TRIO: variants seen among roughly 807,000 people sequenced by gnomAD.
TRIO encodes trio Rho guanine nucleotide exchange factor, also known as triple functional domain protein.
A neutral mutation model predicts 351.9 loss-of-function variants in TRIO; 58 were observed. The ratio of observed to expected loss-of-function variants is 0.16; its 90% CI spans 0.13 to 0.21. The LOEUF (loss-of-function observed/expected upper bound fraction) is 0.21. TRIO is among the 10% of genes least tolerant of loss of function. TRIO has a pLI of 1.00. For synonymous variants in TRIO, 1,758 were observed against 1,595.7 expected, an observed-to-expected ratio of 1.10 and a Z score of -2.42; for missense variants, 3,201 against 4,027.8, an observed-to-expected ratio of 0.79 and a Z score of 5.56.
At position 14,369,526 on chromosome 5, in the gene TRIO, A is replaced by AG; in HGVS notation, c.3216+7dup. ...AGCAGAAGGAGGCATTCCTGAAGGT[A>AG]GGGGCAGCGCTGCGGGACAGTGCAC... On this transcript the variant is annotated splice_donor_region_variant and intron_variant, in intron 18 of 56. Transcript: ENST00000344204. 6.2e-7 allele frequency: 1 copy of AG among 1,613,252 alleles called. No individual in the cohort carries two copies. The highest frequency in any genetic ancestry group is 1.3e-5 in the African/African-American group (1 of 75,056).
intron 1 of TRIO, among the ~76,000 whole-genome samples, chr5:14,210,372 C>A (rs1165570484): frequency 6.6e-6 from 1 of 152,224 alleles, no homozygotes; most frequent in Middle Eastern, 3.2e-3. Context: ...CAGCTTTCCC[C>A]AGGCTCCGCA....
intron 34 of TRIO, among the ~76,000 whole-genome samples, chr5:14,433,879 T>C (rs1312169124): frequency 1.3e-5 from 2 of 152,254 alleles, no homozygotes; most frequent in Non-Finnish European, 2.9e-5. Flanking sequence ...ATTATAAATA[T>C]ATGTTTACTC....
At chr5:14,257,843 C>T (rs1458755164) in intron 1 of TRIO, among the ~76,000 whole-genome samples, 1 of 152,118 alleles carries the variant, frequency 6.6e-6, no homozygotes, top group Admixed American at 6.5e-5. Flanking sequence ...GGTAAATGGG[C>T]AAAAATTCCC....
In TRIO at chr5:14,387,614, T is replaced by C; in HGVS notation, c.3747T>C (p.Ser1249=). The C allele has an allele frequency of 1.2e-6, 2 of 1,612,254 alleles. No homozygotes were observed. The highest frequency in any genetic ancestry group is 8.5e-7 in the Non-Finnish European group (1 of 1,178,740). Residue 1249 remains serine, a synonymous_variant, in exon 22 of 57, where the codon TCT becomes TCC. Coordinates refer to ENST00000344204, the MANE Select transcript of TRIO (RefSeq NM_007118.4). ...CTTTGGAAAAAGCCCTGGGGATTTC[T>C]TCAGATTCCAACAAATCGGTAAATG... The part of the protein sequence containing the change: ...RTSLEKALGI[S]SDSNKSSKSL...
intron 33 of TRIO, among the ~76,000 whole-genome samples, chr5:14,414,550 G>T (rs1749479719): frequency 6.6e-6 from 1 of 152,132 alleles, no homozygotes; most frequent in African/African-American, 2.4e-5. Context: ...TTCTTTTCCA[G>T]ATACAGTGTT....
Position 14,454,174 on chromosome 5 carries a change from C to T in TRIO, c.5204-6845C>T, listed in dbSNP as rs534125682. On this transcript the variant is annotated intron_variant, in intron 34 of 56. Coordinates refer to ENST00000344204, the MANE Select transcript of TRIO (RefSeq NM_007118.4). Reference sequence around the variant, plus strand: ...GAACTCCTGACCTCAAGTGATCCACCTGCATCAGCCTCCCAAAGTGCTGGG... The same window carrying T: ...GAACTCCTGACCTCAAGTGATCCACTTGCATCAGCCTCCCAAAGTGCTGGG... 1.1e-4 allele frequency among the ~76,000 whole-genome samples: 16 copies of T among 152,308 alleles called. No homozygotes were observed. The East Asian group carries it at 3.1e-3, about 29-fold the overall frequency.
At position 14,418,491 on chromosome 5, in the gene TRIO, A is replaced by G. The variant is rs6882274; in HGVS notation, c.4960-1287A>G. On this transcript the variant is annotated intron_variant, in intron 33 of 56. Coordinates refer to ENST00000344204, the MANE Select transcript of TRIO (RefSeq NM_007118.4). Reference sequence around the variant, plus strand: ...TCTGCTCGACAGCATTTGGAGGGAAAAGAGTGGGGTTTTTTAGCTTGAGTG... The same window carrying G: ...TCTGCTCGACAGCATTTGGAGGGAAGAGAGTGGGGTTTTTTAGCTTGAGTG... Among the ~76,000 whole-genome samples the G allele has an allele frequency of 5.3e-3, 811 of 152,136 alleles. 9 individuals are homozygous for G. The highest frequency in any genetic ancestry group is 0.019 in the African/African-American group (776 of 41,498).
At chr5:14,493,808 A>G (rs995394412) in intron 49 of TRIO, among the ~76,000 whole-genome samples, 3 of 152,272 alleles carry the variant, frequency 2.0e-5, no homozygotes, top group Non-Finnish European at 2.9e-5. Flanking sequence ...TGCAAAGGAA[A>G]TAAAAGTGCT....
At chr5:14,234,192 A>C (rs1793638056) in intron 1 of TRIO, among the ~76,000 whole-genome samples, 1 of 152,190 alleles carries the variant, frequency 6.6e-6, no homozygotes, top group Non-Finnish European at 1.5e-5. Flanking sequence ...GATGTTGACT[A>C]CTTTAGGCCC....
rs563626135 is a variant in TRIO, at chr5:14,465,149, C to T, written c.5668-396C>T. 1.4e-3 allele frequency among the ~76,000 whole-genome samples: 209 copies of T among 152,140 alleles called. 1 individual carries two copies. The highest frequency in any genetic ancestry group is 2.5e-3 in the Non-Finnish European group (167 of 68,024). On this transcript the variant is annotated intron_variant, in intron 36 of 56. Coordinates refer to ENST00000344204, the MANE Select transcript of TRIO (RefSeq NM_007118.4). ...TCCTGATTATTCCAGGATTCTCTCACTAGACCCTAAGCCTCTCATTCTGCT... is the reference window on the plus strand; with the variant it reads ...TCCTGATTATTCCAGGATTCTCTCATTAGACCCTAAGCCTCTCATTCTGCT...
At chr5:14,280,614 C>A (rs1735909878) in intron 3 of TRIO, among the ~76,000 whole-genome samples, 178 bp downstream of exon 3, 1 of 152,116 alleles carries the variant, frequency 6.6e-6, no homozygotes, top group South Asian at 2.1e-4. Context: ...GTGTAAAGCC[C>A]TTTGGGGAGC....
At chr5:14,488,298 TG>T in intron 48 of TRIO, 38 bp downstream of exon 48, 1 of 1,307,294 alleles carries the variant, frequency 7.6e-7, no homozygotes, top group Non-Finnish European at 1.0e-6. Context: ...CCCGCCCCCC[TG>T]CCTCTGTCCC....
chr5:14,260,782 A>G (rs1200238934), intron 1 of TRIO, among the ~76,000 whole-genome samples: 1 of 152,244 alleles, frequency 6.6e-6, no homozygotes, highest in Non-Finnish European at 1.5e-5. Flanking sequence ...TTGGTATTTT[A>G]AATGTGTAAT....
chr5:14,351,910 C>T lies in TRIO; in HGVS notation c.2047-6268C>T, dbSNP rs759324817. Among the ~76,000 whole-genome samples, 8 of 152,212 alleles carry T rather than the reference C, an allele frequency of 5.3e-5. No individual in the cohort carries two copies. The South Asian group carries it at 8.3e-4, about 16-fold the overall frequency. Reference sequence around the variant, plus strand: ...GGCTTGGTCCTTTCCGAGGGTCCACCACCCCAGCCAGGTCCTCTAGGCATC... The same window carrying T: ...GGCTTGGTCCTTTCCGAGGGTCCACTACCCCAGCCAGGTCCTCTAGGCATC... On this transcript the variant is annotated intron_variant, in intron 11 of 56. Coordinates refer to ENST00000344204, the MANE Select transcript of TRIO (RefSeq NM_007118.4).
In TRIO at chr5:14,313,624, A is replaced by G. The variant is rs1324117987; in HGVS notation, c.1501-2889A>G. Among the ~76,000 whole-genome samples, 4 of 152,318 alleles carry G rather than the reference A, an allele frequency of 2.6e-5. No individual in the cohort carries two copies. The East Asian group carries it at 7.7e-4, about 29-fold the overall frequency. On this transcript the variant is annotated intron_variant, in intron 8 of 56. Coordinates refer to ENST00000344204, the MANE Select transcript of TRIO (RefSeq NM_007118.4). ...ATCCAAAGGCTGTCATTCCAGGGCT[A>G]GTGTGGTAGCTCTATTAGTAAGAGG...
In TRIO at chr5:14,197,786, C is replaced by G. The variant is rs976197569; in HGVS notation, c.157+53904C>G. Among the ~76,000 whole-genome samples, 8 of 152,176 alleles carry G rather than the reference C, an allele frequency of 5.3e-5. 1 individual carries two copies. The East Asian group carries it at 1.2e-3, about 22-fold the overall frequency. ...GCCCTGATTCTCACAGAGCGACTTG[C>G]AGAAGGCCAGTTGTGCACACACAGT... On this transcript the variant is annotated intron_variant, in intron 1 of 56. Coordinates refer to ENST00000344204, the MANE Select transcript of TRIO (RefSeq NM_007118.4).
chr5:14,287,497 T>C (rs909214152), intron 4 of TRIO, among the ~76,000 whole-genome samples: 1 of 152,220 alleles, frequency 6.6e-6, no homozygotes, highest in Non-Finnish European at 1.5e-5. Flanking sequence ...TCATGGATAA[T>C]GGAAAGAATG....
intron 8 of TRIO, among the ~76,000 whole-genome samples, chr5:14,306,248 A>G (rs968492048): frequency 3.9e-5 from 6 of 152,234 alleles, no homozygotes; most frequent in Non-Finnish European, 8.8e-5. Flanking sequence ...TGGCTATGGA[A>G]TTAAGAAAGT....
chr5:14,232,780 C>T (rs562349003), intron 1 of TRIO, among the ~76,000 whole-genome samples: 2 of 152,212 alleles, frequency 1.3e-5, no homozygotes, highest in African/African-American at 4.8e-5. Flanking sequence ...ACTTAATGTA[C>T]ACGCATATTG....
Sources: allele counts gnomAD v4.1 joint callset (sites outside exome capture counted in the v4.1 genomes callset), GRCh38; gene constraint gnomAD v4.1.1; transcripts MANE v1.5; gene names NCBI Gene and HGNC (gene_info 2026-07-23, HGNC 2026-07-21).